The following LPCAT2 variants were observed in gnomAD, a reference collection of about 807,000 sequenced individuals.
LPCAT2 encodes the protein lysophosphatidylcholine acyltransferase 2, also known as 1-AGP acyltransferase 11.
A neutral mutation model predicts 64.7 loss-of-function variants in LPCAT2; 58 were observed. The ratio of observed to expected loss-of-function variants is 0.90; its 90% CI spans 0.73 to 1.12. LPCAT2 has a LOEUF of 1.12. LPCAT2 is among the 50% of genes most tolerant of loss of function. The pLI is 0.00. For missense variants in LPCAT2, 579 were observed against 669.8 expected, an observed-to-expected ratio of 0.86 and a Z score of 1.50; for synonymous variants, 252 against 245.3, an observed-to-expected ratio of 1.03 and a Z score of -0.26.
chr16:55,552,060 A>AAT (rs1376769487), intron 11 of LPCAT2, among the ~76,000 whole-genome samples: 1 of 152,158 alleles, frequency 6.6e-6, no homozygotes, highest in Non-Finnish European at 1.5e-5. Context: ...CAGTTGAAAA[A>AAT]ATATATATAT....
At chr16:55,572,217 A>C (rs1329043829) in intron 11 of LPCAT2, among the ~76,000 whole-genome samples, 1 of 152,206 alleles carries the variant, frequency 6.6e-6, no homozygotes, top group East Asian at 1.9e-4. Context: ...CTCCATCTGC[A>C]AAATGACTTA....
chr16:55,550,962 G>A lies in LPCAT2; in HGVS notation c.1075G>A (p.Gly359Ser), dbSNP rs749551379. ...ISRKLKLDWD[G>S]VRKHLDEYAS... ...TTGTTTGTTTAGATTAGATTGGGAT[G>A]GTGTTCGTAAGCATTTGGATGAATA... Residue 359 changes from glycine (G) to serine (S), a missense_variant, in exon 11 of 14, where the codon GGT becomes AGT. Transcript: ENST00000262134. 6 of 1,598,892 alleles carry A rather than the reference G, an allele frequency of 3.8e-6. No homozygotes were observed. The highest frequency in any genetic ancestry group is 2.7e-5 in the African/African-American group (2 of 74,702).
intron 4 of LPCAT2, among the ~76,000 whole-genome samples, chr16:55,531,075 A>T (rs926109480): frequency 6.6e-6 from 1 of 152,116 alleles, no homozygotes; most frequent in South Asian, 2.1e-4. Flanking sequence ...TCCCGTTGTC[A>T]TAGGAAACCC....
intron 11 of LPCAT2, among the ~76,000 whole-genome samples, chr16:55,558,150 T>C (rs1963598142): frequency 6.6e-6 from 1 of 152,238 alleles, no homozygotes. Context: ...GCTTAAACAA[T>C]GGTTTAAAAC....
intron 12 of LPCAT2, among the ~76,000 whole-genome samples, chr16:55,575,767 G>A (rs1440903344): frequency 2.6e-5 from 4 of 152,186 alleles, no homozygotes; most frequent in Non-Finnish European, 5.9e-5. Context: ...ATTGACAGAA[G>A]AGCCCCTGAG....
chr16:55,541,381 T>C (rs1176239476), intron 8 of LPCAT2: 1 of 152,200 alleles, frequency 6.6e-6, no homozygotes, highest in Non-Finnish European at 1.5e-5. Flanking sequence ...ACATATCACT[T>C]TTAAGATCTT....
chr16:55,582,638 A>G (rs1963899683), intron 13 of LPCAT2, among the ~76,000 whole-genome samples: 1 of 152,182 alleles, frequency 6.6e-6, no homozygotes, highest in Non-Finnish European at 1.5e-5. Flanking sequence ...ACATTCTCAT[A>G]CATGTCTCTC....
At chr16:55,528,302 A>G (rs1160890909) in intron 2 of LPCAT2, 75 bp from the exon 3 acceptor site, 1 of 1,130,732 alleles carries the variant, frequency 8.8e-7, no homozygotes, top group Non-Finnish European at 1.3e-6. Flanking sequence ...TGGTTTTCTT[A>G]TTGTATTATA....
intron 11 of LPCAT2, among the ~76,000 whole-genome samples, chr16:55,568,522 CA>C (rs1246557277): frequency 1.3e-5 from 2 of 152,176 alleles, no homozygotes; most frequent in African/African-American, 4.8e-5. Context: ...GCCCTGGCTG[CA>C]ATTTGGAATC....
At chr16:55,526,125 C>G (rs1963167448) in intron 2 of LPCAT2, 2 of 152,128 alleles carry the variant, frequency 1.3e-5, no homozygotes, top group Admixed American at 1.3e-4. Flanking sequence ...GTAGTAATTT[C>G]TATTAAAACA....
At chr16:55,576,312 A>T (rs1208804161) in intron 12 of LPCAT2, among the ~76,000 whole-genome samples, 1 of 151,740 alleles carries the variant, frequency 6.6e-6, no homozygotes, top group Admixed American at 6.6e-5. Context: ...ATCCTTTTAC[A>T]TATAGGATTC....
intron 7 of LPCAT2, among the ~76,000 whole-genome samples, chr16:55,537,232 A>C (rs1963334408): frequency 6.6e-6 from 1 of 152,070 alleles, no homozygotes; most frequent in African/African-American, 2.4e-5. Flanking sequence ...AATTGTCAAG[A>C]ATACTTGTCT....
At chr16:55,509,937 T>C (rs1386469346) in intron 1 of LPCAT2, among the ~76,000 whole-genome samples, 3 of 150,530 alleles carry the variant, frequency 2.0e-5, no homozygotes, top group African/African-American at 7.3e-5. Context: ...AACTTGAGTT[T>C]ATGAGAGTGT....
At chr16:55,551,754 T>G (rs569419083) in intron 11 of LPCAT2, among the ~76,000 whole-genome samples, 1 of 152,298 alleles carries the variant, frequency 6.6e-6, no homozygotes, top group South Asian at 2.1e-4. Context: ...AGGTTTTCTA[T>G]TTTTTAATTT....
At chr16:55,570,182 G>T (rs1385364158) in intron 11 of LPCAT2, among the ~76,000 whole-genome samples, 1 of 152,072 alleles carries the variant, frequency 6.6e-6, no homozygotes. Context: ...AAAGGAAAAA[G>T]AATCATGTGC....
In LPCAT2 at chr16:55,545,767, A is replaced by G. The variant is rs1897108135; in HGVS notation, c.885A>G (p.Glu295=). ...FMPVQVPNDE[E]KNDPVLFANK... ...CAGTTCAAGTACCAAATGATGAAGA[A>G]AAAAATGATCCTGTCCTTTTTGCCA... is the stretch of plus-strand genomic sequence containing the variant. Residue 295 remains glutamate (E), a synonymous_variant, in exon 9 of 14, where the codon GAA becomes GAG. Coordinates refer to ENST00000262134, the MANE Select transcript of LPCAT2 (RefSeq NM_017839.5). 3.1e-6 allele frequency: 5 copies of G among 1,613,530 alleles called. No individual in the cohort carries two copies. The African/African-American group carries it at 5.3e-5, about 17-fold the overall frequency.
intron 9 of LPCAT2, 40 bp from the exon 10 acceptor site, chr16:55,549,237 T>TTTTA (rs199630817): frequency 2.6e-4 from 340 of 1,332,252 alleles, no homozygotes; most frequent in East Asian, 2.1e-3. Context: ...CTTTTTTTTT[T>TTTTA]AAAAAAAATG....
rs1193853086 is a variant in LPCAT2 at position 55,528,455 on chromosome 16, A to G, written c.390A>G (p.Gly130=). Residue 130 remains glycine, a synonymous_variant, in exon 3 of 14, where the codon GGA becomes GGG. Transcript: ENST00000262134. ...FSMGFIVAVK[G]KIASPLEAPV... The stretch of plus-strand genomic sequence containing the variant: ...TGGGATTTATAGTTGCTGTAAAAGG[A>G]AAGATTGCAAGTCCTTTGGAAGCAC... 6.2e-7 allele frequency: 1 copy of G among 1,613,888 alleles called. No homozygotes were observed. Among genetic ancestry groups the G allele is most frequent in the East Asian group, 2.2e-5 (1 of 44,872 alleles).
rs774624045 is a variant in LPCAT2 at position 55,528,561 on chromosome 16, C to A, written c.496C>A (p.Arg166=). ...AGCTGGGTTACCTTCTATGGTATCTCGAAATGAGAATGCACAAGTCCCTCT... is the reference window on the plus strand; with the variant it reads ...AGCTGGGTTACCTTCTATGGTATCTAGAAATGAGAATGCACAAGTCCCTCT... ...VVAGLPSMVS[R]NENAQVPLIG... Residue 166 remains arginine (R), a synonymous_variant, in exon 3 of 14, where the codon CGA becomes AGA. Coordinates refer to ENST00000262134, the MANE Select transcript of LPCAT2 (RefSeq NM_017839.5). 3 of 1,613,546 alleles carry A rather than the reference C, an allele frequency of 1.9e-6. No individual in the cohort carries two copies. Among genetic ancestry groups the A allele is most frequent in the Non-Finnish European group, 2.5e-6 (3 of 1,179,684 alleles).
Sources: gnomAD v4.1 joint callset for allele counts (sites outside exome capture counted in the v4.1 genomes callset) on GRCh38, gnomAD v4.1.1 for gene constraint, MANE v1.5 for transcripts, NCBI Gene and HGNC (gene_info 2026-07-23, HGNC 2026-07-21) for gene names.